Variants in PTPRM observed in about 807,000 individuals in gnomAD.
PTPRM encodes receptor-type tyrosine-protein phosphatase mu.
PTPRM carries 47 observed loss-of-function variants against 186.7 expected under a neutral mutation model. The ratio of observed to expected loss-of-function variants is 0.25; its 90% CI spans 0.20 to 0.32. The LOEUF (loss-of-function observed/expected upper bound fraction) is 0.32, where lower values mean the gene tolerates loss of function less well. PTPRM is among the 10% of genes least tolerant of loss of function. The pLI is 1.00. For missense variants in PTPRM, 1,494 were observed against 1,865.0 expected, an observed-to-expected ratio of 0.80 and a Z score of 3.66; for synonymous variants, 668 against 674.9, an observed-to-expected ratio of 0.99 and a Z score of 0.16.
intron 2 of PTPRM, among the ~76,000 whole-genome samples, chr18:7,847,536 G>GA (rs887533393): frequency 1.3e-5 from 2 of 152,106 alleles, no homozygotes; most frequent in Admixed American, 1.3e-4. Flanking sequence ...ATAGAGTTTG[G>GA]TTTCAGGCAT....
intron 2 of PTPRM, among the ~76,000 whole-genome samples, chr18:7,829,029 A>G (rs1048192329): frequency 5.3e-5 from 8 of 152,174 alleles, no homozygotes; most frequent in African/African-American, 1.9e-4. Context: ...AATTTCAAAG[A>G]TCTGCATTTC....
intron 22 of PTPRM, among the ~76,000 whole-genome samples, chr18:8,328,560 G>A (rs1026531845): frequency 2.0e-5 from 3 of 152,182 alleles, no homozygotes; most frequent in Non-Finnish European, 2.9e-5. Flanking sequence ...CATTTGTTAT[G>A]TCCTATTTGA....
At chr18:8,128,708 G>A (rs1378411120) in intron 13 of PTPRM, among the ~76,000 whole-genome samples, 2 of 152,066 alleles carry the variant, frequency 1.3e-5, no homozygotes, top group African/African-American at 4.8e-5. Context: ...TTTTTGGAAT[G>A]GAATACTGAG....
intron 1 of PTPRM, among the ~76,000 whole-genome samples, chr18:7,669,564 G>A (rs1465614928): frequency 1.3e-5 from 2 of 152,126 alleles, no homozygotes; most frequent in African/African-American, 2.4e-5. Flanking sequence ...AAGCAGTGGA[G>A]CAGAAGAAAT....
At chr18:7,920,897 A>C (rs1032073818) in intron 4 of PTPRM, among the ~76,000 whole-genome samples, 4 of 152,212 alleles carry the variant, frequency 2.6e-5, no homozygotes, top group Non-Finnish European at 4.4e-5. Context: ...CAATTTAAAA[A>C]AAATTTCCAC....
Position 8,299,518 on chromosome 18 carries a change from T to C in PTPRM, c.2842+3063T>C, listed in dbSNP as rs1351439924. ...AAGAGAATTGCTTGAACCTGGGAGA[T>C]GGAGGTTGCAGTGAGCCGATCATGC... On this transcript the variant is annotated intron_variant, in intron 20 of 32. Transcript: ENST00000580170. Among the ~76,000 whole-genome samples the C allele has an allele frequency of 2.0e-5, 3 of 150,744 alleles. No homozygotes were observed. In the East Asian group the frequency reaches 5.8e-4, roughly 29 times the overall value.
chr18:7,935,352 G>A (rs2051740571), intron 5 of PTPRM, among the ~76,000 whole-genome samples: 1 of 151,716 alleles, frequency 6.6e-6, no homozygotes, highest in African/African-American at 2.4e-5. Flanking sequence ...TGAACAATCA[G>A]ACTGAAGCTA....
At chr18:7,926,235 T>G (rs1218293147) in intron 4 of PTPRM, among the ~76,000 whole-genome samples, 1 of 152,186 alleles carries the variant, frequency 6.6e-6, no homozygotes, top group Admixed American at 6.5e-5. Context: ...TCAATTAGGT[T>G]TCAGTATAAT....
At chr18:7,582,638 T>C (rs1277607863) in intron 1 of PTPRM, among the ~76,000 whole-genome samples, 1 of 152,178 alleles carries the variant, frequency 6.6e-6, no homozygotes, top group African/African-American at 2.4e-5. Context: ...CCTAAATGCC[T>C]CAGCTTCTCA....
chr18:8,076,558 A>C lies in PTPRM; in HGVS notation c.1545A>C (p.Leu515Phe). ...CTCAAACATATGGTGTAATCACTTT[A>C]TATGAGGTAATATATATGTTTGTTA... ...EPTQTYGVIT[L>F]YEITYKAVSS... The change falls in exon 9 of 33, where the codon TTA (leucine) becomes TTC (phenylalanine). Residue 515 changes from leucine (L) to phenylalanine (F), a missense_variant. Coordinates refer to ENST00000580170, the MANE Select transcript of PTPRM (RefSeq NM_001105244.2). The C allele has an allele frequency of 6.9e-7, 1 of 1,452,716 alleles. No individual in the cohort carries two copies. The highest frequency in any genetic ancestry group is 1.2e-5 in the South Asian group (1 of 85,434). 90.0% of individuals were successfully genotyped at this position (1,452,716 alleles called of 1,614,324 possible).
At chr18:7,761,024 G>A (rs1174858129) in intron 1 of PTPRM, among the ~76,000 whole-genome samples, 2 of 152,128 alleles carry the variant, frequency 1.3e-5, no homozygotes, top group African/African-American at 4.8e-5. Context: ...AAAAGTAAAT[G>A]GAATATTGAG....
chr18:8,086,251 G>T (rs939397861), intron 10 of PTPRM, among the ~76,000 whole-genome samples: 1 of 152,110 alleles, frequency 6.6e-6, no homozygotes, highest in Non-Finnish European at 1.5e-5. Context: ...GTCATATAGA[G>T]TCTGCTTCCT....
intron 14 of PTPRM, among the ~76,000 whole-genome samples, chr18:8,149,326 T>G (rs549396347): frequency 6.6e-6 from 1 of 152,336 alleles, no homozygotes; most frequent in Admixed American, 6.5e-5. Context: ...TTTATGAATC[T>G]GGGTGCTCCT....
At chr18:7,716,043 A>G (rs4798586) in intron 1 of PTPRM, among the ~76,000 whole-genome samples, 94,557 of 152,084 alleles carry the variant, frequency 0.62, 30,939 homozygotes, top group East Asian at 0.99. Flanking sequence ...AAAATAGTCC[A>G]TATAGTCAAG....
Position 8,253,245 on chromosome 18 carries a change from C to G in PTPRM, c.2585C>G (p.Ala862Gly). 6.6e-7 allele frequency: 1 copy of G among 1,524,070 alleles called. No individual in the cohort carries two copies. 94.4% of individuals were successfully genotyped at this position (1,524,070 alleles called of 1,614,324 possible). Reference sequence around the variant, plus strand: ...TTCCTAGATGAAACCCACACAATGGCCAGCGATACCAGCAGCCTGGTGCAG... The same window carrying G: ...TTCCTAGATGAAACCCACACAATGGGCAGCGATACCAGCAGCCTGGTGCAG... ...VPINDETHTM[A>G]SDTSSLVQSH... Residue 862 changes from alanine to glycine, a missense_variant, in exon 19 of 33, where the codon GCC becomes GGC. Around this residue, in one of 3 missense-constraint regions of PTPRM, gnomAD observed 1,107 missense variants for 1,350.2 expected, o/e 0.82. Coordinates refer to ENST00000580170, the MANE Select transcript of PTPRM (RefSeq NM_001105244.2).
intron 14 of PTPRM, among the ~76,000 whole-genome samples, chr18:8,235,398 CCA>C (rs1191745766): frequency 6.7e-6 from 1 of 149,788 alleles, no homozygotes; most frequent in Non-Finnish European, 1.5e-5. Context: ...CTTTTAATGT[CCA>C]TGGGATCTGT....
intron 2 of PTPRM, chr18:7,814,675 G>T (rs1377336575): frequency 1.3e-5 from 2 of 152,196 alleles, no homozygotes; most frequent in African/African-American, 4.8e-5. Flanking sequence ...CAGAAACTGG[G>T]GAGTGGCCCC....
intron 7 of PTPRM, among the ~76,000 whole-genome samples, chr18:8,016,104 G>C (rs973599965): frequency 6.6e-6 from 1 of 152,164 alleles, no homozygotes; most frequent in African/African-American, 2.4e-5. Flanking sequence ...TGGTGGAAAG[G>C]GTGGATGGAT....
intron 14 of PTPRM, among the ~76,000 whole-genome samples, chr18:8,162,993 AC>A (rs1215988935): frequency 6.6e-6 from 1 of 152,092 alleles, no homozygotes; most frequent in South Asian, 2.1e-4. Flanking sequence ...TCAGCCACAC[AC>A]CTGCCCTCAG....
Sources: gnomAD v4.1 joint callset for allele counts (sites outside exome capture counted in the v4.1 genomes callset) on GRCh38, gnomAD v4.1.1 for gene constraint, gnomAD v4.1.1 regional missense constraint, MANE v1.5 for transcripts, NCBI Gene and HGNC (gene_info 2026-07-23, HGNC 2026-07-21) for gene names.